Variants in VPS13D observed in about 807,000 individuals in gnomAD.
The protein encoded by VPS13D is vacuolar protein sorting 13 homolog D, also known as intermembrane lipid transfer protein VPS13D.
Under a neutral mutation model 461.9 loss-of-function variants are expected in VPS13D, and 187 were observed. The ratio of observed to expected loss-of-function variants is 0.40; its 90% CI spans 0.36 to 0.46. VPS13D has a LOEUF of 0.46. Among genes scored for constraint, VPS13D ranks in the 20% least tolerant of loss-of-function variants. VPS13D has a pLI of 0.60. For synonymous variants in VPS13D, 1,951 were observed against 1,986.3 expected (o/e 0.98, Z 0.47); for missense variants, 4,711 against 5,364.9 (o/e 0.88, Z 3.81).
intron 49 of VPS13D, among the ~76,000 whole-genome samples, chr1:12,357,046 T>G (rs1050135105): frequency 6.6e-6 from 1 of 152,250 alleles, no homozygotes; most frequent in Non-Finnish European, 1.5e-5. Context: ...AAAAAACAAC[T>G]GTGAGGATTA....
chr1:12,272,400 T>TGC (rs938460085), intron 17 of VPS13D, among the ~76,000 whole-genome samples: 3 of 150,202 alleles, frequency 2.0e-5, no homozygotes, highest in Admixed American at 2.0e-4. Flanking sequence ...TTGGTGTGTG[T>TGC]GTGTGTGTGT....
At chr1:12,380,544 AG>A (rs1644259819) in intron 57 of VPS13D, among the ~76,000 whole-genome samples, 1 of 152,232 alleles carries the variant, frequency 6.6e-6, no homozygotes, top group Admixed American at 6.5e-5. Context: ...CAAATTACCA[AG>A]GGTTTGGATT....
intron 42 of VPS13D, among the ~76,000 whole-genome samples, chr1:12,343,635 A>C (rs1239879435): frequency 6.6e-6 from 1 of 152,180 alleles, no homozygotes; most frequent in Non-Finnish European, 1.5e-5. Flanking sequence ...TCGGCCTCCC[A>C]AAGTGCTGGG....
At chr1:12,281,574 C>T (rs1163045896) in intron 20 of VPS13D, among the ~76,000 whole-genome samples, 3 of 152,072 alleles carry the variant, frequency 2.0e-5, no homozygotes, top group Non-Finnish European at 4.4e-5. Flanking sequence ...GGGAGGTAGA[C>T]TTCAGGTAGG....
chr1:12,358,004 A>C (rs78324184), intron 49 of VPS13D, among the ~76,000 whole-genome samples: 1 of 127,032 alleles, frequency 7.9e-6, no homozygotes, highest in South Asian at 2.8e-4. Flanking sequence ...ATTCCACCTC[A>C]AAAAAAAAAA....
chr1:12,414,870 T>C (rs971922780), intron 63 of VPS13D, among the ~76,000 whole-genome samples: 2 of 152,264 alleles, frequency 1.3e-5, no homozygotes, highest in Non-Finnish European at 2.9e-5. Flanking sequence ...TTCTGTGTGA[T>C]ACATGTGACT....
At chr1:12,306,510 G>A (rs1247912539) in intron 26 of VPS13D, among the ~76,000 whole-genome samples, 1 of 152,166 alleles carries the variant, frequency 6.6e-6, no homozygotes, top group Non-Finnish European at 1.5e-5. Flanking sequence ...CATATGTATT[G>A]GTGGATGCCT....
chr1:12,459,482 CTTTTTTT>C (rs869264869), intron 66 of VPS13D, among the ~76,000 whole-genome samples: 1 of 131,358 alleles, frequency 7.6e-6, no homozygotes, highest in Non-Finnish European at 1.6e-5. Context: ...CTTTTCTTTT[CTTTTTTT>C]TTTTTTTTTT....
At chr1:12,479,032 T>A (rs1163651281) in intron 67 of VPS13D, among the ~76,000 whole-genome samples, 3 of 152,144 alleles carry the variant, frequency 2.0e-5, no homozygotes, top group African/African-American at 4.8e-5. Flanking sequence ...CCCCACGGAG[T>A]GGCCTGTGAG....
rs41279448 is a variant in VPS13D at position 12,276,424 on chromosome 1, C to T, written c.2836C>T (p.Arg946Cys). The T allele has an allele frequency of 2.1e-4, 340 of 1,614,148 alleles. No individual in the cohort carries two copies. Among genetic ancestry groups the T allele is most frequent in the Admixed American group, 3.7e-4 (22 of 60,030 alleles). Reference sequence around the variant, plus strand: ...CATTGTGTTGTTGGAGCAGCATACCCGCGAGGTTCTGGTGGAGTCGCAGCT... The same window carrying T: ...CATTGTGTTGTTGGAGCAGCATACCTGCGAGGTTCTGGTGGAGTCGCAGCT... ...QSIVLLEQHT[R>C]EVLVESQLLL... The change falls in exon 19 of 70, where the codon CGC becomes TGC. Residue 946 changes from arginine (R) to cysteine (C), a missense_variant. By Grantham distance (180) the Arg-to-Cys change is radical. Transcript: ENST00000620676. This position sits in a 1 kb window ranked among gnomAD's most constrained non-coding sequence, Gnocchi z 4.5.
Position 12,308,565 on chromosome 1 carries a change from T to C in VPS13D, c.6574T>C (p.Phe2192Leu), listed in dbSNP as rs768827462. The C allele has an allele frequency of 1.2e-6, 2 of 1,613,062 alleles. No individual in the cohort carries two copies. Among genetic ancestry groups the C allele is most frequent in the Non-Finnish European group, 1.7e-6 (2 of 1,179,680 alleles). Residue 2192 changes from phenylalanine to leucine, a missense_variant, in exon 27 of 70, where the codon TTT (phenylalanine) becomes CTT (leucine). By Grantham distance (22) the Phe-to-Leu change is conservative. Around this residue, in one of 3 missense-constraint regions of VPS13D, gnomAD observed 4,411 missense variants for 4,937.8 expected, o/e 0.89. Coordinates refer to ENST00000620676, the MANE Select transcript of VPS13D (RefSeq NM_015378.4). ...TGGAGATCTGATCTTCCCTTCCTAT[T>C]TTGTGCGACAGACAGGAGGAAGCCT... ...SSGDLIFPSYFVRQTGGSLLT... is the reference protein window; with the variant it reads ...SSGDLIFPSYLVRQTGGSLLT...
At chr1:12,478,654 T>A (rs568658805) in intron 67 of VPS13D, 397 of 383,546 alleles carry the variant, frequency 1.0e-3, no homozygotes, top group Non-Finnish European at 1.7e-3. Context: ...TTTTCAGGAC[T>A]GGGGAGAGGA....
chr1:12,285,365 A>G (rs1489828901), intron 21 of VPS13D, among the ~76,000 whole-genome samples: 1 of 149,106 alleles, frequency 6.7e-6, no homozygotes, highest in Non-Finnish European at 1.5e-5. Context: ...ATCTTGGCTC[A>G]CTGCAACCTC....
At chr1:12,481,820 A>G (rs1401959570) in intron 67 of VPS13D, among the ~76,000 whole-genome samples, 1 of 152,170 alleles carries the variant, frequency 6.6e-6, no homozygotes, top group Non-Finnish European at 1.5e-5. Context: ...CCAGTTCCAG[A>G]TGTTCTCTCT....
chr1:12,313,065 C>T (rs966159806), intron 29 of VPS13D, among the ~76,000 whole-genome samples: 1 of 152,192 alleles, frequency 6.6e-6, no homozygotes, highest in Non-Finnish European at 1.5e-5. Context: ...GTACATCACT[C>T]TTTTCCAGAT....
In VPS13D at chr1:12,356,018, C is replaced by T. The variant is rs140427465; in HGVS notation, c.9799C>T (p.Arg3267Trp). 3.9e-4 allele frequency: 636 copies of T among 1,613,954 alleles called. No homozygotes were observed. The highest frequency in any genetic ancestry group is 5.2e-4 in the Non-Finnish European group (609 of 1,179,968). ...CCGTCGGCAGCTGAACCTCACCATCCGGATTGTGTGTCGAGCAGAAGGATC... is the reference window on the plus strand; with the variant it reads ...CCGTCGGCAGCTGAACCTCACCATCTGGATTGTGTGTCGAGCAGAAGGATC... ...VNRRQLNLTI[R>W]IVCRAEGSLK... is the part of the protein sequence containing the mutation. Residue 3267 changes from arginine to tryptophan, a missense_variant, in exon 48 of 70, where the codon CGG (arginine) becomes TGG (tryptophan). Physicochemically the swap from Arg to Trp is moderately radical, Grantham distance 101. Transcript: ENST00000620676.
chr1:12,314,284 A>C lies in VPS13D; in HGVS notation c.7105A>C (p.Ser2369Arg), dbSNP rs546231791. ...FSCIFQPAKN[S>R]STTQGSIQIE... The stretch of plus-strand genomic sequence containing the variant: ...CTGTATCTTTCAGCCCGCTAAGAAC[A>C]GCAGCACCACCCAAGGGTCCATTCA... The change falls in exon 30 of 70, where the codon AGC (serine) becomes CGC (arginine). Residue 2369 changes from serine (S) to arginine (R), a missense_variant. This residue lies in a region of VPS13D where 4,411 missense variants were observed against 4,937.8 expected (regional missense o/e 0.89). Transcript: ENST00000620676. The C allele has an allele frequency of 6.2e-7, 1 of 1,614,216 alleles. No individual in the cohort carries two copies. Among genetic ancestry groups the C allele is most frequent in the African/African-American group, 1.3e-5 (1 of 75,068 alleles).
At position 12,368,468 on chromosome 1, in the gene VPS13D, G is replaced by A; in HGVS notation, c.10449G>A (p.Arg3483=). 14 of 1,610,302 alleles carry A rather than the reference G, an allele frequency of 8.7e-6. No individual in the cohort carries two copies. Among genetic ancestry groups the A allele is most frequent in the Non-Finnish European group, 1.2e-5 (14 of 1,178,162 alleles). Residue 3483 remains arginine, a splice_region_variant and synonymous_variant, in exon 53 of 70, where the codon AGG becomes AGA. Coordinates refer to ENST00000620676, the MANE Select transcript of VPS13D (RefSeq NM_015378.4). ...CCTCTTTTGTTTCCTTGTCCTGCAG[G>A]GATACCTTGGGAAAATGCTTCTTCC... ...NKNNSFHINM[R]DTLGKCFFLR...
Position 12,495,149 on chromosome 1 carries a change from C to CTTT in VPS13D, c.12663-2335_12663-2333dup, listed in dbSNP as rs768628311. ...AGATGACTGACTTGATGTAACTTAC[C>CTTT]TTTTTTTTTTTTTTTTTTGAGACAG... On this transcript the variant is annotated intron_variant, in intron 67 of 69. Coordinates refer to ENST00000620676, the MANE Select transcript of VPS13D (RefSeq NM_015378.4). The surrounding 1 kb of genome is among the most constrained non-coding windows in gnomAD (Gnocchi z 4.0). Among the ~76,000 whole-genome samples the CTTT allele has an allele frequency of 7.2e-6, 1 of 138,704 alleles. No homozygotes were observed. 91.0% of individuals were successfully genotyped at this position (138,704 alleles called of 152,430 possible).
Sources: gnomAD v4.1 joint callset for allele counts (sites outside exome capture counted in the v4.1 genomes callset) on GRCh38, gnomAD v4.1.1 for gene constraint, gnomAD v4.1.1 regional missense constraint, Gnocchi (gnomAD v3.1) non-coding constraint, MANE v1.5 for transcripts, NCBI Gene and HGNC (gene_info 2026-07-23, HGNC 2026-07-21) for gene names.